The following NRG3 variants were observed in gnomAD, a reference collection of about 807,000 sequenced individuals.
NRG3 encodes neuregulin 3, also known as pro-neuregulin-3, membrane-bound isoform.
Under a neutral mutation model 66.9 loss-of-function variants are expected in NRG3, and 31 were observed. That is an observed-to-expected ratio of 0.46 (90% CI 0.35 to 0.63). NRG3 has a LOEUF of 0.63. Ranked by LOEUF, NRG3 falls within the 20% of genes least tolerant of loss-of-function variation. The pLI is 0.00. For missense variants in NRG3, 910 were observed against 878.9 expected (o/e 1.04, Z -0.45); for synonymous variants, 393 against 359.4 (o/e 1.09, Z -1.06).
intron 1 of NRG3, among the ~76,000 whole-genome samples, chr10:81,914,573 C>A (rs1212540899): frequency 8.6e-6 from 1 of 116,928 alleles, no homozygotes; most frequent in Non-Finnish European, 1.6e-5. Flanking sequence ...TTTCTGAAAA[C>A]AAACAAACAA....
chr10:82,876,393 A>G (rs1462915670), intron 4 of NRG3, among the ~76,000 whole-genome samples: 1 of 152,238 alleles, frequency 6.6e-6, no homozygotes, highest in Non-Finnish European at 1.5e-5. Flanking sequence ...TGAAGGATCA[A>G]GACCAGCCAT....
At chr10:82,930,961 A>G (rs1024386750) in intron 4 of NRG3, among the ~76,000 whole-genome samples, 1 of 152,148 alleles carries the variant, frequency 6.6e-6, no homozygotes, top group African/African-American at 2.4e-5. Context: ...AAGGAACAAA[A>G]TGTACTGTCA....
At chr10:81,990,592 TAAC>T (rs2060701270) in intron 1 of NRG3, among the ~76,000 whole-genome samples, 1 of 152,156 alleles carries the variant, frequency 6.6e-6, no homozygotes, top group South Asian at 2.1e-4. Flanking sequence ...ATAAGTTTAT[TAAC>T]AGCAGCAAGT....
At chr10:82,670,114 T>C (rs570093232) in intron 2 of NRG3, among the ~76,000 whole-genome samples, 12 of 152,118 alleles carry the variant, frequency 7.9e-5, no homozygotes, top group East Asian at 3.9e-4. Context: ...TTCTGGTGAT[T>C]AGAAAACCCT....
intron 1 of NRG3, among the ~76,000 whole-genome samples, chr10:82,054,186 C>G (rs936497276): frequency 6.6e-6 from 1 of 152,094 alleles, no homozygotes; most frequent in African/African-American, 2.4e-5. Context: ...AAGGATTACT[C>G]TAGTTGTTGT....
At chr10:82,417,506 T>C (rs929564325) in intron 2 of NRG3, among the ~76,000 whole-genome samples, 3 of 152,184 alleles carry the variant, frequency 2.0e-5, no homozygotes, top group Non-Finnish European at 4.4e-5. Context: ...TTTATGTCAT[T>C]CTATAAATAA....
chr10:81,985,683 C>G (rs1038482316), intron 1 of NRG3, among the ~76,000 whole-genome samples: 1 of 152,152 alleles, frequency 6.6e-6, no homozygotes, highest in Admixed American at 6.6e-5. Context: ...GTGAGTAACG[C>G]AGATACTTTC....
At chr10:82,908,891 A>G (rs1252373087) in intron 4 of NRG3, among the ~76,000 whole-genome samples, 1 of 147,294 alleles carries the variant, frequency 6.8e-6, no homozygotes, top group East Asian at 2.1e-4. Flanking sequence ...CAATGGAGGT[A>G]GTGTAGTGAG....
intron 1 of NRG3, among the ~76,000 whole-genome samples, chr10:82,091,408 G>C (rs2066020029): frequency 6.6e-6 from 1 of 152,126 alleles, no homozygotes; most frequent in Non-Finnish European, 1.5e-5. Context: ...TCATGTAAGT[G>C]TAATCATATA....
intron 1 of NRG3, among the ~76,000 whole-genome samples, chr10:82,233,476 A>G (rs1190435486): frequency 6.6e-6 from 1 of 152,170 alleles, no homozygotes; most frequent in East Asian, 1.9e-4. Context: ...AGGTACAGAA[A>G]ATTTAAATAT....
intron 4 of NRG3, among the ~76,000 whole-genome samples, chr10:82,905,371 T>C (rs560356153): frequency 6.6e-6 from 1 of 152,164 alleles, no homozygotes; most frequent in Non-Finnish European, 1.5e-5. Flanking sequence ...CTTCTTCTTC[T>C]GTGTTGACAG....
At chr10:82,691,763 A>T (rs2054946431) in intron 2 of NRG3, among the ~76,000 whole-genome samples, 1 of 152,180 alleles carries the variant, frequency 6.6e-6, no homozygotes, top group African/African-American at 2.4e-5. Context: ...ACAAACCTAC[A>T]CAAGAACTGT....
intron 2 of NRG3, among the ~76,000 whole-genome samples, chr10:82,475,140 T>G (rs1841653719): frequency 1.3e-5 from 2 of 151,486 alleles, no homozygotes; most frequent in African/African-American, 4.8e-5. Flanking sequence ...AGAAAAAGAA[T>G]AGAAAAAATA....
intron 2 of NRG3, among the ~76,000 whole-genome samples, chr10:82,382,635 T>C (rs969565978): frequency 6.6e-6 from 1 of 152,054 alleles, no homozygotes; most frequent in East Asian, 1.9e-4. Context: ...TCACATACTA[T>C]TTTATTGATC....
chr10:82,181,529 C>T (rs1464856169), intron 1 of NRG3, among the ~76,000 whole-genome samples: 1 of 151,618 alleles, frequency 6.6e-6, no homozygotes, highest in Non-Finnish European at 1.5e-5. Context: ...GTGGTTGTTC[C>T]AGAGTGTATT....
In NRG3 at chr10:82,978,450, A is replaced by G. The variant is rs140177129; in HGVS notation, c.1413-500A>G. On this transcript the variant is annotated intron_variant, in intron 7 of 8. Transcript: ENST00000372141. The stretch of plus-strand genomic sequence containing the variant: ...AGGTCGTGAACAGGGAATTTAACAC[A>G]TATGTTAATGAGAAAATGCCAATTA... Among the ~76,000 whole-genome samples, 361 of 152,362 alleles carry G rather than the reference A, an allele frequency of 2.4e-3. 1 individual carries two copies. The highest frequency in any genetic ancestry group is 8.2e-3 in the African/African-American group (339 of 41,590).
At chr10:82,951,712 T>C (rs1849529292) in intron 5 of NRG3, 141 bp downstream of exon 5, 2 of 671,148 alleles carry the variant, frequency 3.0e-6, no homozygotes, top group East Asian at 5.4e-5. Flanking sequence ...CTTAGGACAT[T>C]TTTGTAAATT....
At chr10:82,392,807 A>G (rs1353878363) in intron 2 of NRG3, among the ~76,000 whole-genome samples, 1 of 151,990 alleles carries the variant, frequency 6.6e-6, no homozygotes, top group Non-Finnish European at 1.5e-5. Flanking sequence ...TGCTGAATGG[A>G]CTCCACACTG....
chr10:82,844,622 G>A (rs763762457), intron 3 of NRG3, among the ~76,000 whole-genome samples: 11 of 150,912 alleles, frequency 7.3e-5, no homozygotes, highest in Non-Finnish European at 8.8e-5. Context: ...ACATTTTACA[G>A]GATAGTACAA....
Sources: allele counts gnomAD v4.1 joint callset (sites outside exome capture counted in the v4.1 genomes callset), GRCh38; gene constraint gnomAD v4.1.1; transcripts MANE v1.5; gene names NCBI Gene and HGNC (gene_info 2026-07-23, HGNC 2026-07-21).